CCDC192: variants seen among roughly 807,000 people sequenced by gnomAD.
CCDC192 encodes the protein coiled-coil domain-containing protein 192.
chr5:127,720,090 C>T (rs1454559835), intron 2 of CCDC192, among the ~76,000 whole-genome samples: 1 of 152,110 alleles, frequency 6.6e-6, no homozygotes, highest in East Asian at 1.9e-4. Flanking sequence ...AACAATCTCC[C>T]AAGTCTTAAA....
chr5:127,737,180 A>G (rs371945918), intron 2 of CCDC192, among the ~76,000 whole-genome samples: 4 of 151,754 alleles, frequency 2.6e-5, no homozygotes, highest in South Asian at 2.1e-4. Context: ...CCTTCATTTC[A>G]TTATGTACCC....
At chr5:127,703,764 A>G (rs749994726) in intron 1 of CCDC192, among the ~76,000 whole-genome samples, 1 of 152,160 alleles carries the variant, frequency 6.6e-6, no homozygotes, top group Non-Finnish European at 1.5e-5. Context: ...TTGGTCTTCT[A>G]AAAATCACAC....
At chr5:127,900,787 A>C (rs893295992) in intron 6 of CCDC192, among the ~76,000 whole-genome samples, 1 of 152,230 alleles carries the variant, frequency 6.6e-6, no homozygotes, top group South Asian at 2.1e-4. Context: ...GGGATATGGC[A>C]AACTCTCCTA....
At chr5:127,831,373 T>G (rs1749788528) in intron 5 of CCDC192, among the ~76,000 whole-genome samples, 1 of 151,964 alleles carries the variant, frequency 6.6e-6, no homozygotes, top group Non-Finnish European at 1.5e-5. Flanking sequence ...CGTGTGTATA[T>G]GTGTGCGTGT....
intron 5 of CCDC192, among the ~76,000 whole-genome samples, chr5:127,870,661 C>T (rs1340417609): frequency 6.6e-6 from 1 of 152,108 alleles, no homozygotes; most frequent in East Asian, 1.9e-4. Context: ...GATTGTGAAT[C>T]CAGGGGTGCA....
chr5:127,717,585 A>G (rs999356223), intron 2 of CCDC192, among the ~76,000 whole-genome samples: 1 of 152,118 alleles, frequency 6.6e-6, no homozygotes, highest in African/African-American at 2.4e-5. Flanking sequence ...ACCTGCTGCA[A>G]TTGACTAAAT....
intron 3 of CCDC192, among the ~76,000 whole-genome samples, chr5:127,759,923 G>C (rs957877152): frequency 4.2e-4 from 64 of 152,018 alleles, no homozygotes; most frequent in Admixed American, 9.2e-4. Flanking sequence ...TGGAGCTTCT[G>C]TCTGTTTCTG....
chr5:127,893,013 GA>G (rs1752775217), intron 6 of CCDC192, among the ~76,000 whole-genome samples: 1 of 152,174 alleles, frequency 6.6e-6, no homozygotes, highest in Non-Finnish European at 1.5e-5. Flanking sequence ...GGAGATATCT[GA>G]AAACATCCAA....
At chr5:127,760,089 G>A (rs1290175100) in intron 3 of CCDC192, among the ~76,000 whole-genome samples, 1 of 151,508 alleles carries the variant, frequency 6.6e-6, no homozygotes, top group Non-Finnish European at 1.5e-5. Context: ...TTACATATGA[G>A]AAAACTTTTT....
intron 2 of CCDC192, among the ~76,000 whole-genome samples, chr5:127,745,308 G>C (rs947366720): frequency 1.3e-5 from 2 of 152,188 alleles, no homozygotes; most frequent in East Asian, 3.8e-4. Context: ...TACTGGAATA[G>C]ATTAAGAAAT....
chr5:127,907,320 A>G (rs535802938), intron 6 of CCDC192, among the ~76,000 whole-genome samples: 83 of 152,280 alleles, frequency 5.5e-4, no homozygotes, highest in Admixed American at 5.4e-3. Context: ...ATGTTTTAAA[A>G]CAAACTGAAA....
chr5:127,752,022 T>G (rs1654088), intron 2 of CCDC192, among the ~76,000 whole-genome samples: 48,776 of 151,664 alleles, frequency 0.32, 8,696 homozygotes, highest in Middle Eastern at 0.4. Flanking sequence ...TCTTCTAAAT[T>G]TTTTTCAAAG....
At chr5:127,890,037 G>T (rs568046211) in intron 6 of CCDC192, among the ~76,000 whole-genome samples, 8 of 152,196 alleles carry the variant, frequency 5.3e-5, no homozygotes, top group African/African-American at 1.9e-4. Flanking sequence ...TGTCTCCTAT[G>T]TGGTCTGATG....
intron 5 of CCDC192, among the ~76,000 whole-genome samples, chr5:127,840,978 C>T (rs983996320): frequency 1.3e-5 from 2 of 152,150 alleles, no homozygotes; most frequent in Admixed American, 6.5e-5. Flanking sequence ...AACAAGTCAA[C>T]CAGAACCCTG....
chr5:127,732,232 A>G (rs1204269172), intron 2 of CCDC192, among the ~76,000 whole-genome samples: 3 of 152,224 alleles, frequency 2.0e-5, no homozygotes, highest in African/African-American at 7.2e-5. Context: ...GCCAACAAAC[A>G]TATGGAAAAA....
intron 3 of CCDC192, chr5:127,786,673 A>G: frequency 1.3e-6 from 1 of 760,632 alleles, no homozygotes; most frequent in African/African-American, 1.7e-5. Context: ...GAAAATCAGT[A>G]ATCTTCCCAT....
At chr5:127,801,412 C>T (rs559423705) in intron 5 of CCDC192, among the ~76,000 whole-genome samples, 5 of 152,122 alleles carry the variant, frequency 3.3e-5, no homozygotes, top group East Asian at 1.9e-4. Context: ...TCCTGGTTTC[C>T]GTGCCTCCAT....
At chr5:127,932,532 GA>G (rs1423678257) in intron 6 of CCDC192, among the ~76,000 whole-genome samples, 1 of 152,110 alleles carries the variant, frequency 6.6e-6, no homozygotes, top group Non-Finnish European at 1.5e-5. Flanking sequence ...ATGCAGTAGT[GA>G]AAGCATTATT....
chr5:127,731,418 A>G (rs1027677156), intron 2 of CCDC192, among the ~76,000 whole-genome samples: 1 of 152,196 alleles, frequency 6.6e-6, no homozygotes, highest in Non-Finnish European at 1.5e-5. Flanking sequence ...AAGAATAAAT[A>G]TCGTAAAAAT....
Sources: allele counts gnomAD v4.1 joint callset (sites outside exome capture counted in the v4.1 genomes callset), GRCh38; gene constraint gnomAD v4.1.1; transcripts MANE v1.5; gene names NCBI Gene and HGNC (gene_info 2026-07-23, HGNC 2026-07-21).